KMT2C: variants seen among roughly 807,000 people sequenced by gnomAD.
KMT2C encodes lysine methyltransferase 2C.
Under a neutral mutation model 507.9 loss-of-function variants are expected in KMT2C, and 88 were observed. The observed-to-expected ratio is 0.17, with a 90% CI of 0.15 to 0.21. KMT2C has a LOEUF of 0.21. Among genes scored for constraint, KMT2C ranks in the 10% least tolerant of loss-of-function variants. The pLI, the probability that KMT2C is intolerant of heterozygous loss-of-function variation, is 1.00. For missense variants in KMT2C, 4,954 were observed against 5,957.8 expected (o/e 0.83, Z 5.55); for synonymous variants, 2,049 against 2,080.8 (o/e 0.98, Z 0.42).
intron 1 of KMT2C, among the ~76,000 whole-genome samples, chr7:152,366,577 G>A (rs2097246459): frequency 6.6e-6 from 1 of 152,206 alleles, no homozygotes; most frequent in Non-Finnish European, 1.5e-5. Context: ...AACGGTGGTT[G>A]CCAGAGGCTG....
At position 152,139,188 on chromosome 7, in the gene KMT2C, T is replaced by C; in HGVS notation, c.14532A>G (p.Ala4844=). Reference sequence around the variant, plus strand: ...CGTCAGGTTCCTCGCTGTCTCACCTTGCGGGCCCTCCTGTGAGCGTCGCGT... The same window carrying C: ...CGTCAGGTTCCTCGCTGTCTCACCTCGCGGGCCCTCCTGTGAGCGTCGCGT... ...VIDATLTGGP[A]RYINHSCAPN... is the part of the protein sequence containing the mutation. Residue 4844 remains alanine (A), a splice_region_variant and synonymous_variant, in exon 57 of 59, where the codon GCA becomes GCG. Coordinates refer to ENST00000262189, the MANE Select transcript of KMT2C (RefSeq NM_170606.3). 6.8e-6 allele frequency: 11 copies of C among 1,613,970 alleles called. No homozygotes were observed. Among genetic ancestry groups the C allele is most frequent in the Non-Finnish European group, 9.3e-6 (11 of 1,179,926 alleles).
chr7:152,203,355 T>A (rs978203630), intron 25 of KMT2C, among the ~76,000 whole-genome samples: 3 of 151,776 alleles, frequency 2.0e-5, no homozygotes, highest in East Asian at 1.9e-4. Context: ...ATAATAATAA[T>A]AAATACCCAA....
intron 2 of KMT2C, among the ~76,000 whole-genome samples, chr7:152,350,669 TG>T (rs1563953654): frequency 2.0e-5 from 3 of 152,240 alleles, no homozygotes; most frequent in African/African-American, 4.8e-5. Flanking sequence ...GAAGTTGCTC[TG>T]GGTGAATCAC....
At chr7:152,245,298 T>C (rs954081709) in intron 14 of KMT2C, among the ~76,000 whole-genome samples, 1 of 152,202 alleles carries the variant, frequency 6.6e-6, no homozygotes, top group African/African-American at 2.4e-5. Flanking sequence ...TTTATATTTC[T>C]CAAAATGTTT....
chr7:152,152,667 G>A (rs2129097363), intron 49 of KMT2C, 38 bp downstream of exon 49: 1 of 1,606,062 alleles, frequency 6.2e-7, no homozygotes, highest in East Asian at 2.2e-5. Context: ...TTTGAATCAG[G>A]AATGGATTTG....
At chr7:152,232,803 A>G (rs1165245898) in intron 16 of KMT2C, among the ~76,000 whole-genome samples, 2 of 152,192 alleles carry the variant, frequency 1.3e-5, no homozygotes, top group Non-Finnish European at 2.9e-5. Context: ...ACTAAAAGTA[A>G]TCATTAATTC....
chr7:152,142,040 T>A (rs756887023), intron 55 of KMT2C, among the ~76,000 whole-genome samples: 1 of 152,000 alleles, frequency 6.6e-6, no homozygotes, highest in Non-Finnish European at 1.5e-5. Flanking sequence ...AGAAAGAAAA[T>A]CAGTTAAAAA....
intron 2 of KMT2C, among the ~76,000 whole-genome samples, chr7:152,336,554 T>A (rs754696311): frequency 2.3e-4 from 35 of 152,176 alleles, no homozygotes; most frequent in Admixed American, 3.9e-4. Context: ...CTCCAGTTTA[T>A]TATTAAAAAT....
chr7:152,318,806 A>G (rs1039793849), intron 3 of KMT2C, among the ~76,000 whole-genome samples: 3 of 152,146 alleles, frequency 2.0e-5, no homozygotes, highest in African/African-American at 7.2e-5. Flanking sequence ...GTTATGTCAA[A>G]AAGAAAACAT....
intron 55 of KMT2C, among the ~76,000 whole-genome samples, chr7:152,142,734 C>T (rs969142011): frequency 6.6e-6 from 1 of 152,186 alleles, no homozygotes; most frequent in African/African-American, 2.4e-5. Flanking sequence ...CACTATGGAA[C>T]ATCAGGTAAC....
intron 16 of KMT2C, 56 bp downstream of exon 16, chr7:152,235,761 T>G (rs111513250): frequency 1.7e-6 from 2 of 1,162,240 alleles, no homozygotes; most frequent in African/African-American, 3.1e-5. Context: ...TGCTATGAGA[T>G]TTTCATCATT....
chr7:152,311,612 G>C (rs2096672185), intron 5 of KMT2C, among the ~76,000 whole-genome samples, 186 bp downstream of exon 5: 1 of 152,118 alleles, frequency 6.6e-6, no homozygotes. Flanking sequence ...TGGTGGTACT[G>C]TACAGATTTT....
At chr7:152,229,776 C>T (rs2095051778) in intron 18 of KMT2C, 147 bp downstream of exon 18, 3 of 356,370 alleles carry the variant, frequency 8.4e-6, no homozygotes, top group Non-Finnish European at 1.1e-5. Flanking sequence ...ATAGGAAACC[C>T]TTAAAAGCAG....
chr7:152,146,713 C>T lies in KMT2C; in HGVS notation c.13917G>A (p.Glu4639=), dbSNP rs1374698479. 6.2e-7 allele frequency: 1 copy of T among 1,613,804 alleles called. No individual in the cohort carries two copies. Among genetic ancestry groups the T allele is most frequent in the African/African-American group, 1.3e-5 (1 of 74,912 alleles). ...SPKGVWDKIL[E]PVACVRKKSE... ...ACTTTTTTCTCACACATGCCACAGG[C>T]TCCAAAATCTTATCCCAGACACCTA... is the stretch of plus-strand genomic sequence containing the variant. Residue 4639 remains glutamate, a synonymous_variant, in exon 53 of 59, where the codon GAG becomes GAA. Transcript: ENST00000262189.
chr7:152,193,614 C>A (rs1479267227), intron 31 of KMT2C, among the ~76,000 whole-genome samples: 1 of 152,102 alleles, frequency 6.6e-6, no homozygotes, highest in Admixed American at 6.5e-5. Flanking sequence ...GACCAGCTAA[C>A]CTCTGAGAGA....
At chr7:152,229,485 G>C (rs555920259) in intron 18 of KMT2C, among the ~76,000 whole-genome samples, 1 of 152,132 alleles carries the variant, frequency 6.6e-6, no homozygotes, top group African/African-American at 2.4e-5. Flanking sequence ...TATGACACTT[G>C]TTTTGTTTCT....
At chr7:152,298,088 A>G (rs1334365803) in intron 6 of KMT2C, among the ~76,000 whole-genome samples, 2 of 152,256 alleles carry the variant, frequency 1.3e-5, no homozygotes, top group East Asian at 3.9e-4. Flanking sequence ...AAGAACAGAC[A>G]CTAGCTAAAG....
At chr7:152,344,886 C>T (rs2097040702) in intron 2 of KMT2C, among the ~76,000 whole-genome samples, 1 of 152,126 alleles carries the variant, frequency 6.6e-6, no homozygotes, top group South Asian at 2.1e-4. Context: ...ACTCGGGAGG[C>T]TGAGGCAGGA....
At chr7:152,426,000 T>C (rs1280803507) in intron 1 of KMT2C, among the ~76,000 whole-genome samples, 2 of 152,116 alleles carry the variant, frequency 1.3e-5, no homozygotes, top group African/African-American at 4.8e-5. Flanking sequence ...ATTTAAAAGT[T>C]TGAGCAATAA....
Sources: gnomAD v4.1 joint callset for allele counts (sites outside exome capture counted in the v4.1 genomes callset) on GRCh38, gnomAD v4.1.1 for gene constraint, MANE v1.5 for transcripts, NCBI Gene and HGNC (gene_info 2026-07-23, HGNC 2026-07-21) for gene names.